The following RGS12 variants were observed in gnomAD, a reference collection of about 807,000 sequenced individuals.
The protein encoded by RGS12 is regulator of G-protein signaling 12.
RGS12 carries 66 observed loss-of-function variants against 120.1 expected under a neutral mutation model. The ratio of observed to expected loss-of-function variants is 0.55; its 90% CI spans 0.45 to 0.67. The LOEUF is 0.67. RGS12 is among the 30% of genes least tolerant of loss of function. RGS12 has a pLI of 0.00. For synonymous variants in RGS12, 827 were observed against 804.7 expected, an observed-to-expected ratio of 1.03 and a Z score of -0.47; for missense variants, 1,859 against 1,957.7, an observed-to-expected ratio of 0.95 and a Z score of 0.95.
Position 3,430,759 on chromosome 4 carries a change from C to A in RGS12, c.3918C>A (p.Val1306=). ...CCTTCTGCACTCCCCAGTCCCCCGT[C>A]TCCCTCGCGCAGGAGGGCACCGCCC... is the stretch of plus-strand genomic sequence containing the variant. ...SGPFCTPQSP[V]SLAQEGTAQI... is the part of the protein sequence containing the mutation. The change falls in exon 17 of 18, where the codon GTC becomes GTA. Residue 1306 remains valine (V), a synonymous_variant. Transcript: ENST00000336727. 2 of 1,609,420 alleles carry A rather than the reference C, an allele frequency of 1.2e-6. No homozygotes were observed. Among genetic ancestry groups the A allele is most frequent in the Non-Finnish European group, 1.7e-6 (2 of 1,177,988 alleles).
At chr4:3,361,794 C>G (rs1715590123) in intron 3 of RGS12, among the ~76,000 whole-genome samples, 1 of 152,186 alleles carries the variant, frequency 6.6e-6, no homozygotes, top group South Asian at 2.1e-4. Context: ...TCTCTGCCTT[C>G]CAGGTGTTAA....
intron 4 of RGS12, among the ~76,000 whole-genome samples, chr4:3,395,506 C>G (rs1355043962): frequency 6.6e-6 from 1 of 152,304 alleles, no homozygotes; most frequent in Admixed American, 6.5e-5. Context: ...ATATATTCAC[C>G]TATAGTAAAT....
At chr4:3,318,938 C>T (rs1429036865) in intron 2 of RGS12, among the ~76,000 whole-genome samples, 4 of 152,184 alleles carry the variant, frequency 2.6e-5, no homozygotes, top group Admixed American at 6.5e-5. Flanking sequence ...GAAACTACTC[C>T]GGCTGTTTAC....
chr4:3,389,954 C>G lies in RGS12; in HGVS notation c.2020+3517C>G, dbSNP rs534870341. On this transcript the variant is annotated intron_variant, in intron 4 of 17. Coordinates refer to ENST00000336727, the MANE Select transcript of RGS12 (RefSeq NM_001394154.1). This position sits in a 1 kb window ranked among gnomAD's most constrained non-coding sequence, Gnocchi z 5.2. ...TTGTGCCTCAGCTCTGCCCTGACCC[C>G]ACTCTGTCCACTCAGCTGCCCCCCT... 1.5e-3 allele frequency among the ~76,000 whole-genome samples: 223 copies of G among 152,326 alleles called. 7 individuals carry two copies. The highest frequency in any genetic ancestry group is 0.012 in the Admixed American group (187 of 15,302).
rs932604211 is a variant in RGS12 at position 3,422,588 on chromosome 4, C to A, written c.3033+18C>A. The A allele has an allele frequency of 3.7e-6, 6 of 1,604,594 alleles. No individual in the cohort carries two copies. The highest frequency in any genetic ancestry group is 2.7e-5 in the African/African-American group (2 of 74,832). The stretch of plus-strand genomic sequence containing the variant: ...GGGACAAGGTACTGGGCCCGCCTGA[C>A]CCTCGTGCTGCCCTCAGGCCATGAC... On this transcript the variant is annotated intron_variant, in intron 11 of 17. Transcript: ENST00000336727.
rs750160314 is a variant in RGS12, at chr4:3,428,137, G to A, written c.3379G>A (p.Val1127Ile). Reference protein sequence around the residue: ...KGVPVKQNTAVNSSSRNHSAT... With the variant: ...KGVPVKQNTAINSSSRNHSAT... ...TGTGCCAGTGAAACAGAACACAGCT[G>A]TAAATTCCAGCTCCAGAAACCACTC... is the stretch of plus-strand genomic sequence containing the variant. The change falls in exon 15 of 18, where the codon GTA (valine) becomes ATA (isoleucine). Residue 1127 changes from valine to isoleucine, a missense_variant. Val to Ile is a conservative substitution (Grantham distance 29, BLOSUM62 3). Coordinates refer to ENST00000336727, the MANE Select transcript of RGS12 (RefSeq NM_001394154.1). 15 of 1,613,602 alleles carry A rather than the reference G, an allele frequency of 9.3e-6. No individual in the cohort carries two copies. The Admixed American group carries it at 1.8e-4, about 20-fold the overall frequency.
At chr4:3,350,850 T>G (rs1303425030) in intron 3 of RGS12, among the ~76,000 whole-genome samples, 1 of 152,248 alleles carries the variant, frequency 6.6e-6, no homozygotes, top group Non-Finnish European at 1.5e-5. Flanking sequence ...CATGTAGATG[T>G]AACATACAAT....
chr4:3,380,653 A>T (rs1398247218), intron 3 of RGS12, among the ~76,000 whole-genome samples: 2 of 152,194 alleles, frequency 1.3e-5, no homozygotes, highest in Non-Finnish European at 2.9e-5. Flanking sequence ...CCAAGGCTTG[A>T]GGCTTTCACC....
intron 11 of RGS12, 97 bp downstream of exon 11, chr4:3,422,667 G>T: frequency 7.4e-7 from 1 of 1,343,058 alleles, no homozygotes; most frequent in Non-Finnish European, 1.0e-6. Flanking sequence ...GCCCCCTCCT[G>T]CGCTCCTCAT....
chr4:3,340,776 G>GCAGGCCGGTT (rs1275505320), intron 2 of RGS12, among the ~76,000 whole-genome samples: 10 of 152,266 alleles, frequency 6.6e-5, no homozygotes, highest in Non-Finnish European at 1.3e-4. Flanking sequence ...GCAGGCCGGT[G>GCAGGCCGGTT]CAGGCCAGTG....
intron 3 of RGS12, among the ~76,000 whole-genome samples, chr4:3,373,168 G>GGCC (rs1560124143): frequency 6.6e-6 from 1 of 152,194 alleles, no homozygotes; most frequent in Non-Finnish European, 1.5e-5. Context: ...AGGGGGCGGT[G>GGCC]GCTGCTGGCG....
chr4:3,382,367 T>C (rs1178890550), intron 3 of RGS12, among the ~76,000 whole-genome samples: 6 of 152,134 alleles, frequency 3.9e-5, no homozygotes, highest in Admixed American at 3.3e-4. Context: ...TCAGCTCCAC[T>C]CCTGAGCACA....
At chr4:3,388,318 G>T (rs1219102632) in intron 4 of RGS12, among the ~76,000 whole-genome samples, 1 of 152,206 alleles carries the variant, frequency 6.6e-6, no homozygotes, top group Non-Finnish European at 1.5e-5. Flanking sequence ...GGGCGGGCTG[G>T]ATGTTTATTT....
chr4:3,383,745 G>A lies in RGS12; in HGVS notation c.1999-2671G>A, dbSNP rs140806683. Among the ~76,000 whole-genome samples the A allele has an allele frequency of 2.1e-4, 32 of 152,308 alleles. No individual in the cohort carries two copies. In the East Asian group the frequency reaches 4.4e-3, roughly 21 times the overall value. ...GTGCACTGTCTTAGAGCCTCCCAGA[G>A]GCTCTGGTCTAGCCCTACGTGCCCG... On this transcript the variant is annotated intron_variant, in intron 3 of 17. Transcript: ENST00000336727.
intron 2 of RGS12, among the ~76,000 whole-genome samples, chr4:3,335,379 GCA>G (rs1181743165): frequency 2.0e-5 from 3 of 152,108 alleles, no homozygotes; most frequent in Non-Finnish European, 1.5e-5. Flanking sequence ...TCTTCCTGCC[GCA>G]CAGAGTTTTG....
In RGS12 at chr4:3,433,204, C is replaced by T. The variant is rs16844345; in HGVS notation, c.4114+2249C>T. Among the ~76,000 whole-genome samples, 4,535 of 152,306 alleles carry T rather than the reference C, an allele frequency of 0.03. 124 individuals are homozygous for T. The highest frequency in any genetic ancestry group is 0.068 in the African/African-American group (2,840 of 41,560). ...GGTCATCCCGGGTCACGCTCTCCGA[C>T]GTTGACAGTTGCTGTGGGATGCTTC... On this transcript the variant is annotated intron_variant, in intron 17 of 17. Transcript: ENST00000336727. The surrounding 1 kb of genome is among the most constrained non-coding windows in gnomAD (Gnocchi z 4.4).
intron 4 of RGS12, among the ~76,000 whole-genome samples, chr4:3,406,236 C>T (rs1721108615): frequency 6.6e-6 from 1 of 152,234 alleles, no homozygotes; most frequent in Admixed American, 6.5e-5. Context: ...GCACCCACGC[C>T]TCCTGCCTGG....
chr4:3,355,697 A>AG (rs1361221143), intron 3 of RGS12, among the ~76,000 whole-genome samples: 1 of 140,472 alleles, frequency 7.1e-6, no homozygotes, highest in Non-Finnish European at 1.5e-5. Context: ...TGTGGGGCTG[A>AG]GGTGGGAGGA....
chr4:3,414,090 T>C lies in RGS12; in HGVS notation c.2039T>C (p.Leu680Pro), dbSNP rs867945222. The change falls in exon 5 of 18, where the codon CTG becomes CCG. Residue 680 changes from leucine (L) to proline (P), a missense_variant. Around this residue, in one of 3 missense-constraint regions of RGS12, gnomAD observed 967 missense variants for 994.2 expected, o/e 0.97. Transcript: ENST00000336727. ...CCCGCAGAGTTGACGGGCGCCGACC[T>C]GAAGGACTGCGTCAGCAACAACAGC... ...VSDGELTGAD[L>P]KDCVSNNSLS... is the part of the protein sequence containing the mutation. 1.3e-6 allele frequency: 2 copies of C among 1,569,774 alleles called. No individual in the cohort carries two copies. Among genetic ancestry groups the C allele is most frequent in the East Asian group, 2.3e-5 (1 of 43,636 alleles).
Sources: gnomAD v4.1 joint callset for allele counts (sites outside exome capture counted in the v4.1 genomes callset) on GRCh38, gnomAD v4.1.1 for gene constraint, gnomAD v4.1.1 regional missense constraint, Gnocchi (gnomAD v3.1) non-coding constraint, MANE v1.5 for transcripts, NCBI Gene and HGNC (gene_info 2026-07-23, HGNC 2026-07-21) for gene names.